Variants in ZFYVE9 observed in about 807,000 individuals in gnomAD.
ZFYVE9 encodes zinc finger FYVE-type containing 9.
A neutral mutation model predicts 126.7 loss-of-function variants in ZFYVE9; 43 were observed. That is an observed-to-expected ratio of 0.34 (90% CI 0.27 to 0.44). The LOEUF (loss-of-function observed/expected upper bound fraction) is 0.44. ZFYVE9 is among the 20% of genes least tolerant of loss of function. ZFYVE9 has a pLI of 1.00. For missense variants in ZFYVE9, 1,476 were observed against 1,697.0 expected (o/e 0.87, Z 2.29); for synonymous variants, 521 against 597.4 (o/e 0.87, Z 1.87).
chr1:52,155,799 C>A (rs1443183959), intron 1 of ZFYVE9, among the ~76,000 whole-genome samples: 1 of 152,146 alleles, frequency 6.6e-6, no homozygotes. Context: ...TCTGAAGGAG[C>A]CTACCAGACA....
intron 13 of ZFYVE9, among the ~76,000 whole-genome samples, chr1:52,304,543 A>T (rs1439938648): frequency 3.3e-5 from 5 of 152,076 alleles, no homozygotes; most frequent in African/African-American, 4.8e-5. Flanking sequence ...GATTACAGGC[A>T]CGAGCCACTG....
chr1:52,237,447 T>A (rs1445255667), intron 3 of ZFYVE9, 41 bp from the exon 4 acceptor site: 2 of 1,494,418 alleles, frequency 1.3e-6, no homozygotes, highest in African/African-American at 1.4e-5. Flanking sequence ...GCTTTTCCAG[T>A]GTTACAAGCA....
In ZFYVE9 at chr1:52,237,761, T is replaced by TA; in HGVS notation, c.346dup (p.Ile116AsnfsTer2). 3.1e-6 allele frequency: 5 copies of TA among 1,614,124 alleles called. No individual in the cohort carries two copies. The highest frequency in any genetic ancestry group is 4.2e-6 in the Non-Finnish European group (5 of 1,179,982). ...GAAAATGCTGTTGCAGAAGACCAGT[T>TA]AATTAAGAGAAACTATAGTTGGGAT... On this transcript the variant is annotated frameshift_variant, in exon 4 of 19. Transcript: ENST00000287727. LOFTEE classifies it high-confidence loss of function.
intron 14 of ZFYVE9, among the ~76,000 whole-genome samples, chr1:52,333,809 AG>A (rs1646365698): frequency 7.3e-6 from 1 of 137,732 alleles, no homozygotes; most frequent in African/African-American, 3.5e-5. Context: ...AAAAAAAAAA[AG>A]CAGGGCATGG....
At chr1:52,242,541 C>CTT (rs36041089) in intron 4 of ZFYVE9, among the ~76,000 whole-genome samples, 1 of 144,718 alleles carries the variant, frequency 6.9e-6, no homozygotes, top group Non-Finnish European at 1.5e-5. Context: ...TGCAGCAGTA[C>CTT]TTTTTTTTTT....
At chr1:52,219,136 C>T (rs940461824) in intron 2 of ZFYVE9, among the ~76,000 whole-genome samples, 3 of 151,072 alleles carry the variant, frequency 2.0e-5, no homozygotes, top group African/African-American at 2.4e-5. Context: ...TTGCAAGGGT[C>T]GGGGGTGGTG....
intron 1 of ZFYVE9, chr1:52,190,308 A>T (rs181007760): frequency 6.6e-6 from 1 of 152,186 alleles, no homozygotes; most frequent in African/African-American, 2.4e-5. Flanking sequence ...AATTGTTTTC[A>T]TTCTTGCAGT....
intron 1 of ZFYVE9, among the ~76,000 whole-genome samples, chr1:52,207,940 A>G (rs1644992948): frequency 6.6e-6 from 1 of 152,272 alleles, no homozygotes; most frequent in Non-Finnish European, 1.5e-5. Flanking sequence ...CATTAAAAAT[A>G]TCCCGCAAAG....
At chr1:52,288,184 A>T (rs986493453) in intron 10 of ZFYVE9, among the ~76,000 whole-genome samples, 4 of 152,242 alleles carry the variant, frequency 2.6e-5, no homozygotes, top group African/African-American at 9.6e-5. Context: ...CAAAGGCCTA[A>T]GTAACTTAAG....
chr1:52,161,106 G>A (rs1183664567), intron 1 of ZFYVE9, among the ~76,000 whole-genome samples: 1 of 152,006 alleles, frequency 6.6e-6, no homozygotes, highest in African/African-American at 2.4e-5. Context: ...TATCTTCTAA[G>A]GATTCTATAC....
intron 12 of ZFYVE9, among the ~76,000 whole-genome samples, chr1:52,300,730 A>G (rs115951125): frequency 1.3e-3 from 191 of 151,394 alleles, no homozygotes; most frequent in African/African-American, 4.3e-3. Context: ...TATTTCTTAC[A>G]GTGTAGGTTT....
Position 52,274,454 on chromosome 1 carries a change from C to G in ZFYVE9, c.2626-10C>G. 6.3e-7 allele frequency: 1 copy of G among 1,597,430 alleles called. No homozygotes were observed. The highest frequency in any genetic ancestry group is 1.1e-5 in the South Asian group (1 of 88,824). Reference sequence around the variant, plus strand: ...CTGTAGTGCTCACTTTGTTGATTTGCTTTTCCTAGACGGATATTTGTCTAT... The same window carrying G: ...CTGTAGTGCTCACTTTGTTGATTTGGTTTTCCTAGACGGATATTTGTCTAT... On this transcript the variant is annotated splice_polypyrimidine_tract_variant and intron_variant, in intron 7 of 18. Coordinates refer to ENST00000287727, the MANE Select transcript of ZFYVE9 (RefSeq NM_004799.4).
intron 5 of ZFYVE9, 48 bp downstream of exon 5, chr1:52,263,920 G>T: frequency 7.7e-7 from 1 of 1,305,722 alleles, no homozygotes; most frequent in Non-Finnish European, 1.1e-6. Flanking sequence ...ACAAAACAAG[G>T]GAATTACGAT....
chr1:52,201,362 G>C (rs1348475334), intron 1 of ZFYVE9, among the ~76,000 whole-genome samples: 1 of 145,542 alleles, frequency 6.9e-6, no homozygotes, highest in African/African-American at 2.5e-5. Flanking sequence ...TATTCCTGGA[G>C]GGTTTTTGGT....
At chr1:52,164,802 C>T (rs1241923916) in intron 1 of ZFYVE9, among the ~76,000 whole-genome samples, 1 of 152,118 alleles carries the variant, frequency 6.6e-6, no homozygotes, top group African/African-American at 2.4e-5. Flanking sequence ...CTTTTATCTG[C>T]CAGTAATCAG....
chr1:52,343,859 G>A (rs1242187433), intron 17 of ZFYVE9, among the ~76,000 whole-genome samples: 1 of 151,768 alleles, frequency 6.6e-6, no homozygotes, highest in Non-Finnish European at 1.5e-5. Context: ...ATCACCTGAG[G>A]TCAGGAGTTC....
At chr1:52,174,006 A>T (rs9726186) in intron 1 of ZFYVE9, among the ~76,000 whole-genome samples, 2,777 of 151,254 alleles carry the variant, frequency 0.018, 102 homozygotes, top group African/African-American at 0.065. Flanking sequence ...TATTTCCTTC[A>T]GTTCTGCTCT....
chr1:52,277,908 A>G (rs1403321341), intron 8 of ZFYVE9, among the ~76,000 whole-genome samples: 2 of 152,212 alleles, frequency 1.3e-5, no homozygotes, highest in Non-Finnish European at 2.9e-5. Flanking sequence ...TTAGTGACAT[A>G]TGTACTAAAC....
rs370329414 is a variant in ZFYVE9, at chr1:52,191,760, T to C, written c.-142-24609T>C. On this transcript the variant is annotated intron_variant, in intron 1 of 18. Coordinates refer to ENST00000287727, the MANE Select transcript of ZFYVE9 (RefSeq NM_004799.4). The stretch of plus-strand genomic sequence containing the variant: ...CACCACATTGTCTCGTGATTTCTCA[T>C]GAAACTGTAAGGCTAGATCACCAAG... 3.9e-5 allele frequency among the ~76,000 whole-genome samples: 6 copies of C among 152,174 alleles called. No individual in the cohort carries two copies. The East Asian group carries it at 9.6e-4, about 24-fold the overall frequency.
Sources: gnomAD v4.1 joint callset for allele counts (sites outside exome capture counted in the v4.1 genomes callset) on GRCh38, gnomAD v4.1.1 for gene constraint, MANE v1.5 for transcripts, NCBI Gene and HGNC (gene_info 2026-07-23, HGNC 2026-07-21) for gene names.